DOCK1: variants seen among roughly 807,000 people sequenced by gnomAD.
DOCK1 encodes the protein dedicator of cytokinesis protein 1.
In DOCK1, 138 loss-of-function variants were observed where a neutral mutation model predicts 262.7. The observed-to-expected ratio is 0.53, with a 90% CI of 0.46 to 0.61. DOCK1 has a LOEUF of 0.61. Among genes scored for constraint, DOCK1 ranks in the 20% least tolerant of loss-of-function variants. The pLI is 0.00. For missense variants in DOCK1, 1,908 were observed against 2,370.7 expected (o/e 0.80, Z 4.05); for synonymous variants, 866 against 867.4 (o/e 1.00, Z 0.03).
At chr10:127,384,343 A>G (rs1451263098) in intron 37 of DOCK1, among the ~76,000 whole-genome samples, 1 of 152,148 alleles carries the variant, frequency 6.6e-6, no homozygotes, top group East Asian at 1.9e-4. Context: ...CCCATCTTTA[A>G]GGAGCTTGAC....
At chr10:127,032,725 A>G (rs1011107863) in intron 18 of DOCK1, among the ~76,000 whole-genome samples, 2 of 151,548 alleles carry the variant, frequency 1.3e-5, no homozygotes, top group Admixed American at 6.6e-5. Context: ...GGCTAATTTT[A>G]TTTTTATTTT....
chr10:127,077,661 G>A (rs538238956), intron 23 of DOCK1, among the ~76,000 whole-genome samples: 1 of 152,268 alleles, frequency 6.6e-6, no homozygotes, highest in Admixed American at 6.5e-5. Context: ...TACAGTGGAA[G>A]ATGTTGGATT....
chr10:126,953,967 T>C (rs1333072747), intron 1 of DOCK1, among the ~76,000 whole-genome samples: 1 of 152,168 alleles, frequency 6.6e-6, no homozygotes, highest in Non-Finnish European at 1.5e-5. Flanking sequence ...TGGTCCTGTG[T>C]GTTGGGTGTC....
chr10:127,024,717 G>A lies in DOCK1; in HGVS notation c.1485G>A (p.Ala495=), dbSNP rs11595439. 5,138 of 1,612,312 alleles carry A rather than the reference G, an allele frequency of 3.2e-3. 15 individuals carry two copies. Among genetic ancestry groups the A allele is most frequent in the Middle Eastern group, 0.012 (70 of 6,062 alleles). ...HVIFPGAGDE[A]ISEYKSVIYY... is the part of the protein sequence containing the mutation. ...TTTTCCCGGGTGCTGGTGATGAAGC[G>A]ATTTCAGAGTACAAATCTGTGATTT... Residue 495 remains alanine, a synonymous_variant, in exon 15 of 52, where the codon GCG becomes GCA. Coordinates refer to ENST00000623213, the MANE Select transcript of DOCK1 (RefSeq NM_001290223.2).
chr10:127,312,636 G>A (rs770702406), intron 29 of DOCK1, among the ~76,000 whole-genome samples: 1 of 152,128 alleles, frequency 6.6e-6, no homozygotes, highest in Non-Finnish European at 1.5e-5. Flanking sequence ...ATGTCTTACG[G>A]GCTCATCCCA....
At chr10:126,950,288 G>C (rs947297456) in intron 1 of DOCK1, among the ~76,000 whole-genome samples, 8 of 151,948 alleles carry the variant, frequency 5.3e-5, no homozygotes, top group Admixed American at 4.6e-4. Context: ...CTCCTCTTTG[G>C]GTGGCAGTTC....
intron 27 of DOCK1, among the ~76,000 whole-genome samples, chr10:127,131,173 A>G (rs2050303199): frequency 6.6e-6 from 1 of 152,146 alleles, no homozygotes; most frequent in African/African-American, 2.4e-5. Context: ...GCTTGGTCTT[A>G]TCCAGAGCCA....
At chr10:127,119,767 T>C (rs2049429053) in intron 25 of DOCK1, among the ~76,000 whole-genome samples, 2 of 152,248 alleles carry the variant, frequency 1.3e-5, no homozygotes, top group Admixed American at 1.3e-4. Flanking sequence ...TACATTACTC[T>C]GTTCATAAAA....
intron 29 of DOCK1, among the ~76,000 whole-genome samples, chr10:127,299,388 GC>G (rs1253015581): frequency 6.6e-6 from 1 of 152,226 alleles, no homozygotes; most frequent in African/African-American, 2.4e-5. Flanking sequence ...ACAGGCGTGA[GC>G]CGCCGCGCCC....
chr10:127,186,504 A>ACCCCCCCCCCCCCCCC lies in DOCK1; in HGVS notation c.2847+58742_2847+58743insCCCCCCCCCCCCCCCC. On this transcript the variant is annotated intron_variant, in intron 27 of 51. Coordinates refer to ENST00000623213, the MANE Select transcript of DOCK1 (RefSeq NM_001290223.2). ...CAATCATGATAACAGCATGGGAGAAACCGCCCCCCCGCCCCCCCCCGATCC... is the reference window on the plus strand; with the variant it reads ...CAATCATGATAACAGCATGGGAGAAACCCCCCCCCCCCCCCCCCGCCCCCCCGCCCCCCCCCGATCC... Among the ~76,000 whole-genome samples the ACCCCCCCCCCCCCCCC allele has an allele frequency of 2.2e-4, 2 of 9,024 alleles. 1 individual carries two copies. Among genetic ancestry groups the ACCCCCCCCCCCCCCCC allele is most frequent in the East Asian group, 6.0e-3 (2 of 332 alleles). The allele number at this position is 9,024 out of a possible 152,430, so 5.9% of individuals were successfully genotyped here.
intron 31 of DOCK1, among the ~76,000 whole-genome samples, chr10:127,351,983 G>T (rs533658632): frequency 6.6e-6 from 1 of 151,600 alleles, no homozygotes; most frequent in South Asian, 2.1e-4. Flanking sequence ...ATGCCCGCAG[G>T]CCCGGCTCTC....
chr10:127,051,849 C>G (rs925390298), intron 21 of DOCK1, among the ~76,000 whole-genome samples: 8 of 152,186 alleles, frequency 5.3e-5, no homozygotes, highest in African/African-American at 1.9e-4. Flanking sequence ...TCCCAAAGTG[C>G]TGGGATTCCA....
At chr10:127,159,690 C>T (rs140222200) in intron 27 of DOCK1, among the ~76,000 whole-genome samples, 15 of 152,182 alleles carry the variant, frequency 9.9e-5, no homozygotes, top group East Asian at 7.7e-4. Context: ...ATTCCTTTTA[C>T]GGACCGTTGG....
At chr10:127,331,935 A>T (rs558789255) in intron 29 of DOCK1, among the ~76,000 whole-genome samples, 9 of 152,316 alleles carry the variant, frequency 5.9e-5, no homozygotes, top group African/African-American at 2.2e-4. Flanking sequence ...CAGTGTCTGG[A>T]ACTTAGGGGG....
intron 1 of DOCK1, among the ~76,000 whole-genome samples, chr10:126,907,764 C>T (rs371565066): frequency 7.9e-5 from 12 of 152,172 alleles, no homozygotes; most frequent in African/African-American, 2.2e-4. Flanking sequence ...CAGGGCGGTG[C>T]GCTTGAGTCT....
intron 44 of DOCK1, among the ~76,000 whole-genome samples, chr10:127,415,578 G>A (rs370349698): frequency 6.6e-6 from 1 of 152,154 alleles, no homozygotes; most frequent in East Asian, 1.9e-4. Context: ...ACAAATTCCA[G>A]TCTACATAAA....
At chr10:126,941,625 G>A (rs1257847970) in intron 1 of DOCK1, among the ~76,000 whole-genome samples, 18 of 152,016 alleles carry the variant, frequency 1.2e-4, no homozygotes, top group Admixed American at 8.5e-4. Context: ...GCGTGGTGGC[G>A]GGTGCCTGTA....
Position 126,996,876 on chromosome 10 carries a change from A to T in DOCK1, c.602A>T (p.Glu201Val), listed in dbSNP as rs540730500. 3.1e-6 allele frequency: 5 copies of T among 1,595,018 alleles called. No individual in the cohort carries two copies. In the South Asian group the frequency reaches 5.7e-5, roughly 18 times the overall value. Residue 201 changes from glutamate to valine, a missense_variant, in exon 7 of 52, where the codon GAG becomes GTG. This residue lies in a region of DOCK1 where 227 missense variants were observed against 254.1 expected (regional missense o/e 0.89). Transcript: ENST00000623213. ...AAACAAGTGGAGGAAAGGTTACAAG[A>T]GGAAAAAGTAAGTTTGACTCTGTCA... ...ASKQVEERLQ[E>V]EKSQKQNIDI...
At chr10:127,375,608 T>C (rs921957195) in intron 35 of DOCK1, among the ~76,000 whole-genome samples, 1 of 152,244 alleles carries the variant, frequency 6.6e-6, no homozygotes, top group African/African-American at 2.4e-5. Flanking sequence ...TGCTTTCACT[T>C]TTCATCGACT....
Sources: gnomAD v4.1 joint callset for allele counts (sites outside exome capture counted in the v4.1 genomes callset) on GRCh38, gnomAD v4.1.1 for gene constraint, gnomAD v4.1.1 regional missense constraint, MANE v1.5 for transcripts, NCBI Gene and HGNC (gene_info 2026-07-23, HGNC 2026-07-21) for gene names.